The following ZNF136 variants were observed in gnomAD, a reference collection of about 807,000 sequenced individuals.
ZNF136 encodes the protein zinc finger protein 136.
Under a neutral mutation model 11.4 loss-of-function variants are expected in ZNF136, and 8 were observed. The ratio of observed to expected loss-of-function variants is 0.70; its 90% CI spans 0.41 to 1.27. ZNF136 has a LOEUF of 1.27. Among genes scored for constraint, ZNF136 ranks in the 50% most tolerant of loss-of-function variants. The probability of loss-of-function intolerance (pLI) is 0.01; values close to 1 mark genes in which losing one functional copy is unlikely to be tolerated. For missense variants in ZNF136, 590 were observed against 656.5 expected (o/e 0.90, Z 1.11); for synonymous variants, 190 against 207.1 (o/e 0.92, Z 0.71).
At chr19:12,176,901 G>A (rs750618717) in intron 1 of ZNF136, among the ~76,000 whole-genome samples, 2 of 152,146 alleles carry the variant, frequency 1.3e-5, no homozygotes, top group Non-Finnish European at 2.9e-5. Flanking sequence ...ACCTGGGTAT[G>A]GCCACCTATA....
chr19:12,171,166 A>G (rs1373319178), intron 1 of ZNF136, among the ~76,000 whole-genome samples: 1 of 151,884 alleles, frequency 6.6e-6, no homozygotes, highest in Non-Finnish European at 1.5e-5. Flanking sequence ...TTTTTAGTAG[A>G]GATGGGGTTT....
intron 1 of ZNF136, chr19:12,184,808 G>A (rs543629427): frequency 6.6e-5 from 10 of 152,150 alleles, no homozygotes; most frequent in Admixed American, 2.6e-4. Flanking sequence ...AAGGTGGGAC[G>A]CCAGAAATTT....
chr19:12,167,434 G>A (rs543755517), intron 1 of ZNF136, among the ~76,000 whole-genome samples: 2 of 152,312 alleles, frequency 1.3e-5, no homozygotes, highest in South Asian at 2.1e-4. Context: ...GCAAAGAATG[G>A]GCATTTGTAG....
intron 1 of ZNF136, among the ~76,000 whole-genome samples, chr19:12,169,886 C>T (rs1233405575): frequency 6.6e-6 from 1 of 152,078 alleles, no homozygotes; most frequent in Non-Finnish European, 1.5e-5. Context: ...GCTCTGCCTC[C>T]CGGGTTGACG....
intron 2 of ZNF136, 36 bp from the exon 3 acceptor site, chr19:12,186,078 G>A (rs377704060): frequency 1.6e-5 from 25 of 1,596,542 alleles, no homozygotes; most frequent in Non-Finnish European, 2.0e-5. Context: ...CTATAATTTT[G>A]CACTAATTCA....
Position 12,163,132 on chromosome 19 carries a change from C to T in ZNF136, c.-72C>T. On this transcript the variant is annotated 5_prime_UTR_variant, in exon 1 of 4. Transcript: ENST00000343979. ...AGGCCCAGAGTGGCTCGCCTGGAGTCTCTGTGGCGCGGTTTCCTGTACCTG... is the reference window on the plus strand; with the variant it reads ...AGGCCCAGAGTGGCTCGCCTGGAGTTTCTGTGGCGCGGTTTCCTGTACCTG... 1.4e-6 allele frequency: 2 copies of T among 1,386,906 alleles called. No homozygotes were observed. Among genetic ancestry groups the T allele is most frequent in the Non-Finnish European group, 1.9e-6 (2 of 1,062,620 alleles). 85.9% of individuals were successfully genotyped at this position (1,386,906 alleles called of 1,614,324 possible).
At chr19:12,166,891 C>T (rs1977194471) in intron 1 of ZNF136, among the ~76,000 whole-genome samples, 1 of 152,102 alleles carries the variant, frequency 6.6e-6, no homozygotes, top group African/African-American at 2.4e-5. Flanking sequence ...GTGCAGAGGC[C>T]TGAGGCCAGC....
Position 12,166,088 on chromosome 19 carries a change from T to C in ZNF136, c.3+2882T>C, listed in dbSNP as rs191473421. On this transcript the variant is annotated intron_variant, in intron 1 of 3. Transcript: ENST00000343979. ...GCTAAAAATACAAAAATTAGCCAGG[T>C]GTGGTGGTGGGCGCCTATAATCCCA... Among the ~76,000 whole-genome samples the C allele has an allele frequency of 5.9e-5, 9 of 151,790 alleles. 2 individuals are homozygous for C. The highest frequency in any genetic ancestry group is 2.2e-4 in the African/African-American group (9 of 41,392).
intron 1 of ZNF136, among the ~76,000 whole-genome samples, chr19:12,175,726 A>T (rs546981858): frequency 1.3e-5 from 2 of 152,332 alleles, no homozygotes; most frequent in African/African-American, 4.8e-5. Context: ...GAGTTTTGAC[A>T]ACTATACAGT....
Position 12,187,881 on chromosome 19 carries a change from G to A in ZNF136, c.1503G>A (p.Gln501=). The change falls in exon 4 of 4, where the codon CAG becomes CAA. Residue 501 remains glutamine (Q), a synonymous_variant. Coordinates refer to ENST00000343979, the MANE Select transcript of ZNF136 (RefSeq NM_003437.5). ...FRLHERTHTG[Q]KPYHCKECGK... is the part of the protein sequence containing the mutation. ...TACATGAAAGGACTCACACTGGACA[G>A]AAACCCTATCATTGCAAGGAATGTG... is the stretch of plus-strand genomic sequence containing the variant. 1.2e-6 allele frequency: 2 copies of A among 1,601,366 alleles called. No homozygotes were observed. The highest frequency in any genetic ancestry group is 1.7e-6 in the Non-Finnish European group (2 of 1,176,194).
chr19:12,168,051 C>CTTTTT (rs1914525834), intron 1 of ZNF136, among the ~76,000 whole-genome samples: 3 of 61,668 alleles, frequency 4.9e-5, no homozygotes, highest in Non-Finnish European at 7.0e-5. Context: ...TTTTTCTTTT[C>CTTTTT]TTTTTCTTTT....
intron 1 of ZNF136, among the ~76,000 whole-genome samples, chr19:12,174,247 T>C (rs1244829339): frequency 1.3e-5 from 2 of 152,196 alleles, no homozygotes; most frequent in Non-Finnish European, 2.9e-5. Flanking sequence ...ACACAGTTGG[T>C]CACAGAAGCC....
At chr19:12,175,604 A>C (rs1044961086) in intron 1 of ZNF136, among the ~76,000 whole-genome samples, 1 of 152,182 alleles carries the variant, frequency 6.6e-6, no homozygotes, top group African/African-American at 2.4e-5. Context: ...TCCAGCTATC[A>C]ACATTCTGCA....
intron 1 of ZNF136, 66 bp downstream of exon 1, chr19:12,163,272 T>G: frequency 3.0e-6 from 4 of 1,344,590 alleles, no homozygotes; most frequent in East Asian, 2.8e-5. Context: ...CGGAACTGGC[T>G]GTGGCGCGGC....
Position 12,163,134 on chromosome 19 carries a change from C to G in ZNF136, c.-70C>G, listed in dbSNP as rs376626764. 2.2e-6 allele frequency: 3 copies of G among 1,391,454 alleles called. No homozygotes were observed. Among genetic ancestry groups the G allele is most frequent in the Non-Finnish European group, 2.8e-6 (3 of 1,065,398 alleles). 86.2% of individuals were successfully genotyped at this position (1,391,454 alleles called of 1,614,324 possible). ...GCCCAGAGTGGCTCGCCTGGAGTCTCTGTGGCGCGGTTTCCTGTACCTGCC... is the reference window on the plus strand; with the variant it reads ...GCCCAGAGTGGCTCGCCTGGAGTCTGTGTGGCGCGGTTTCCTGTACCTGCC... On this transcript the variant is annotated 5_prime_UTR_variant, in exon 1 of 4. Coordinates refer to ENST00000343979, the MANE Select transcript of ZNF136 (RefSeq NM_003437.5).
At chr19:12,183,161 T>G (rs1055698155) in intron 1 of ZNF136, among the ~76,000 whole-genome samples, 1 of 152,076 alleles carries the variant, frequency 6.6e-6, no homozygotes, top group Non-Finnish European at 1.5e-5. Flanking sequence ...TTTTTTGGTT[T>G]GTTTGTTTGA....
At chr19:12,179,559 C>T (rs941829758) in intron 1 of ZNF136, among the ~76,000 whole-genome samples, 4 of 152,116 alleles carry the variant, frequency 2.6e-5, no homozygotes, top group Non-Finnish European at 5.9e-5. Context: ...GGTCTGCCAG[C>T]CTCGGCCTCC....
chr19:12,166,545 T>C (rs905923081), intron 1 of ZNF136, among the ~76,000 whole-genome samples: 6 of 152,216 alleles, frequency 3.9e-5, no homozygotes, highest in African/African-American at 1.4e-4. Flanking sequence ...TTTGTGACGG[T>C]GAATAACTGT....
chr19:12,179,891 A>T (rs919068478), intron 1 of ZNF136, among the ~76,000 whole-genome samples: 3 of 151,798 alleles, frequency 2.0e-5, no homozygotes, highest in African/African-American at 7.3e-5. Context: ...TTTGAGACAG[A>T]GTCTGGCTCT....
Sources: gnomAD v4.1 joint callset for allele counts (sites outside exome capture counted in the v4.1 genomes callset) on GRCh38, gnomAD v4.1.1 for gene constraint, MANE v1.5 for transcripts, NCBI Gene and HGNC (gene_info 2026-07-23, HGNC 2026-07-21) for gene names.